Variants in STK32A observed in about 807,000 individuals in gnomAD.
The protein encoded by STK32A is serine/threonine-protein kinase 32A.
A neutral mutation model predicts 53.2 loss-of-function variants in STK32A; 41 were observed. The observed-to-expected ratio is 0.77, with a 90% CI of 0.60 to 1.00. STK32A has a LOEUF of 1.00. STK32A is among the 50% of genes least tolerant of loss of function. The pLI is 0.00. For synonymous variants in STK32A, 166 were observed against 162.8 expected (o/e 1.02, Z -0.15); for missense variants, 458 against 485.8 (o/e 0.94, Z 0.54).
At chr5:147,290,289 G>A (rs568286034) in intron 4 of STK32A, among the ~76,000 whole-genome samples, 107 of 152,182 alleles carry the variant, frequency 7.0e-4, no homozygotes, top group African/African-American at 2.2e-3. Context: ...GGGCAGGGAC[G>A]TTAAGGAGGA....
chr5:147,269,034 T>TGG lies in STK32A; in HGVS notation c.53-9088_53-9087dup, dbSNP rs1046311600. Among the ~76,000 whole-genome samples, 21 of 152,238 alleles carry TGG rather than the reference T, an allele frequency of 1.4e-4. No homozygotes were observed. The South Asian group carries it at 1.7e-3, about 12-fold the overall frequency. On this transcript the variant is annotated intron_variant, in intron 2 of 12. Transcript: ENST00000397936. ...AGGGCAGCTGTGGAGTCCACTTGAGTGGGACTCTACCACTCTGCCACTTAC... is the reference window on the plus strand; with the variant it reads ...AGGGCAGCTGTGGAGTCCACTTGAGTGGGGGACTCTACCACTCTGCCACTTAC...
intron 4 of STK32A, among the ~76,000 whole-genome samples, chr5:147,299,008 TG>T (rs1753001121): frequency 6.6e-6 from 1 of 152,108 alleles, no homozygotes; most frequent in African/African-American, 2.4e-5. Flanking sequence ...AAAGCAGTCC[TG>T]ATCCATACCC....
chr5:147,282,344 T>C (rs1263824941), intron 4 of STK32A, among the ~76,000 whole-genome samples: 1 of 152,168 alleles, frequency 6.6e-6, no homozygotes, highest in Non-Finnish European at 1.5e-5. Context: ...GGTCTGTTTG[T>C]GGGAGAACAG....
intron 4 of STK32A, among the ~76,000 whole-genome samples, chr5:147,320,479 G>C (rs1156708516): frequency 6.6e-6 from 1 of 151,992 alleles, no homozygotes; most frequent in Non-Finnish European, 1.5e-5. Flanking sequence ...ATTGCTATCT[G>C]TTCAATCTGT....
chr5:147,334,821 T>C (rs1014667377), intron 5 of STK32A, among the ~76,000 whole-genome samples: 1 of 152,150 alleles, frequency 6.6e-6, no homozygotes, highest in Non-Finnish European at 1.5e-5. Flanking sequence ...TCTTTCAATG[T>C]TTTCTGGAAG....
In STK32A at chr5:147,387,305, A is replaced by G. The variant is rs1757699181; in HGVS notation, c.*3322A>G. On this transcript the variant is annotated 3_prime_UTR_variant, in exon 13 of 13. Coordinates refer to ENST00000397936, the MANE Select transcript of STK32A (RefSeq NM_001112724.2). Reference sequence around the variant, plus strand: ...GGTGGCACTGGTTTTGCCTGAGGTCATTGCTAGGGCAGGAATGAACAGCAA... The same window carrying G: ...GGTGGCACTGGTTTTGCCTGAGGTCGTTGCTAGGGCAGGAATGAACAGCAA... The G allele has an allele frequency of 6.6e-6, 1 of 152,262 alleles. No individual in the cohort carries two copies. Among genetic ancestry groups the G allele is most frequent in the Non-Finnish European group, 1.5e-5 (1 of 68,056 alleles). 9.4% of individuals were successfully genotyped at this position (152,262 alleles called of 1,614,324 possible).
chr5:147,342,245 T>C (rs1227256920), intron 5 of STK32A, among the ~76,000 whole-genome samples: 1 of 152,208 alleles, frequency 6.6e-6, no homozygotes, highest in African/African-American at 2.4e-5. Flanking sequence ...GCTTACTCTT[T>C]ACTTAAAAAT....
At chr5:147,266,800 G>A (rs1186279842) in intron 2 of STK32A, among the ~76,000 whole-genome samples, 2 of 152,016 alleles carry the variant, frequency 1.3e-5, no homozygotes, top group Admixed American at 6.6e-5. Context: ...TGAGGTGGAC[G>A]GATCACCTGA....
chr5:147,301,097 T>C (rs529592580), intron 4 of STK32A, among the ~76,000 whole-genome samples: 1 of 152,286 alleles, frequency 6.6e-6, no homozygotes, highest in South Asian at 2.1e-4. Flanking sequence ...TATGCCATCT[T>C]GAGGTTACAG....
chr5:147,396,572 A>C, the STK32A span, among the ~76,000 whole-genome samples: 1 of 152,158 alleles, frequency 6.6e-6, no homozygotes, highest in Admixed American at 6.5e-5. Flanking sequence ...CTTCCCTGTT[A>C]GTGACTCAAA....
chr5:147,273,344 G>T (rs1447524708), intron 2 of STK32A, among the ~76,000 whole-genome samples: 1 of 152,142 alleles, frequency 6.6e-6, no homozygotes, highest in Non-Finnish European at 1.5e-5. Flanking sequence ...TCTACCTTTG[G>T]GATGGGTAGG....
chr5:147,397,798 A>T, the STK32A span: 1 of 1,614,048 alleles, frequency 6.2e-7, no homozygotes, highest in Non-Finnish European at 8.5e-7. Context: ...TGACAACCAG[A>T]GGAGCCCCGC....
chr5:147,366,910 G>T (rs1756775350), intron 8 of STK32A, among the ~76,000 whole-genome samples: 1 of 151,114 alleles, frequency 6.6e-6, no homozygotes, highest in African/African-American at 2.4e-5. Context: ...AAAATGTACA[G>T]CTTTCTAGAT....
chr5:147,260,685 C>G (rs1405996089), intron 2 of STK32A, among the ~76,000 whole-genome samples: 1 of 152,132 alleles, frequency 6.6e-6, no homozygotes, highest in African/African-American at 2.4e-5. Context: ...GTCCTTTACA[C>G]ACTTCCCACT....
At chr5:147,251,033 G>A (rs1238782542) in intron 2 of STK32A, among the ~76,000 whole-genome samples, 1 of 151,496 alleles carries the variant, frequency 6.6e-6, no homozygotes, top group Non-Finnish European at 1.5e-5. Context: ...AATAAACAAA[G>A]AGATGATGCC....
chr5:147,312,426 T>C (rs1278660593), intron 4 of STK32A, among the ~76,000 whole-genome samples: 1 of 152,196 alleles, frequency 6.6e-6, no homozygotes, highest in African/African-American at 2.4e-5. Context: ...ATAAATATTA[T>C]ATGGTAGTTC....
chr5:147,323,584 T>C (rs1754425195), intron 4 of STK32A, among the ~76,000 whole-genome samples: 1 of 152,208 alleles, frequency 6.6e-6, no homozygotes, highest in Non-Finnish European at 1.5e-5. Context: ...TAACTTGGGT[T>C]CTCTTCATTT....
intron 7 of STK32A, among the ~76,000 whole-genome samples, chr5:147,358,422 C>T (rs1465143276): frequency 6.6e-6 from 1 of 152,120 alleles, no homozygotes; most frequent in Non-Finnish European, 1.5e-5. Flanking sequence ...CCAACAGTTC[C>T]CCTGCCAGGA....
chr5:147,360,422 G>T (rs547799427), intron 7 of STK32A, among the ~76,000 whole-genome samples: 1 of 126,964 alleles, frequency 7.9e-6, no homozygotes, highest in African/African-American at 3.1e-5. Context: ...CTGCAATCCA[G>T]CCTGGGCAAT....
Sources: gnomAD v4.1 joint callset for allele counts (sites outside exome capture counted in the v4.1 genomes callset) on GRCh38, gnomAD v4.1.1 for gene constraint, MANE v1.5 for transcripts, NCBI Gene and HGNC (gene_info 2026-07-23, HGNC 2026-07-21) for gene names.